GMDS: variants seen among roughly 807,000 people sequenced by gnomAD.
GMDS encodes the protein GDP-mannose 4,6 dehydratase.
A neutral mutation model predicts 49.9 loss-of-function variants in GMDS; 20 were observed. That is an observed-to-expected ratio of 0.40 (90% CI 0.28 to 0.58). The LOEUF is 0.58. GMDS is among the 20% of genes least tolerant of loss of function. The probability of loss-of-function intolerance (pLI) is 0.42; values close to 1 mark genes in which losing one functional copy is unlikely to be tolerated. For missense variants in GMDS, 362 were observed against 481.4 expected, an observed-to-expected ratio of 0.75 and a Z score of 2.32; for synonymous variants, 177 against 178.6, an observed-to-expected ratio of 0.99 and a Z score of 0.07.
chr6:2,196,549 C>T (rs1369744473), intron 1 of GMDS, among the ~76,000 whole-genome samples: 1 of 152,108 alleles, frequency 6.6e-6, no homozygotes, highest in Non-Finnish European at 1.5e-5. Flanking sequence ...AACATAGAAT[C>T]CAAAACAAAT....
chr6:2,007,966 T>C (rs1767304709), intron 4 of GMDS, among the ~76,000 whole-genome samples: 1 of 152,190 alleles, frequency 6.6e-6, no homozygotes, highest in Non-Finnish European at 1.5e-5. Flanking sequence ...AAACTAAATA[T>C]CAAAACTTAA....
At chr6:1,702,845 G>A (rs4959148) in intron 9 of GMDS, among the ~76,000 whole-genome samples, 128,952 of 152,208 alleles carry the variant, frequency 0.85, 54,807 homozygotes, top group East Asian at 1. Flanking sequence ...TCGCTTCTCT[G>A]TGAAAGATAA....
chr6:1,684,624 T>C (rs1235382193), intron 9 of GMDS, among the ~76,000 whole-genome samples: 9 of 152,108 alleles, frequency 5.9e-5, no homozygotes, highest in Non-Finnish European at 7.4e-5. Flanking sequence ...TTACACAACA[T>C]TCTAAACTTA....
At chr6:2,175,619 A>G (rs1359709389) in intron 1 of GMDS, among the ~76,000 whole-genome samples, 1 of 152,200 alleles carries the variant, frequency 6.6e-6, no homozygotes, top group Non-Finnish European at 1.5e-5. Flanking sequence ...CTTTCCAGTC[A>G]TGCTCACACT....
At chr6:2,054,492 T>C (rs778082926) in intron 4 of GMDS, among the ~76,000 whole-genome samples, 1 of 152,132 alleles carries the variant, frequency 6.6e-6, no homozygotes. Flanking sequence ...AGAAAACCCA[T>C]TGTCTTACTG....
chr6:2,026,755 T>C (rs1427164775), intron 4 of GMDS, among the ~76,000 whole-genome samples: 1 of 152,182 alleles, frequency 6.6e-6, no homozygotes, highest in South Asian at 2.1e-4. Flanking sequence ...TGTCTGTGGA[T>C]GAGGCAGCCA....
intron 9 of GMDS, among the ~76,000 whole-genome samples, chr6:1,663,436 T>A (rs1332049892): frequency 6.6e-6 from 1 of 152,190 alleles, no homozygotes; most frequent in African/African-American, 2.4e-5. Context: ...ATTTTAGCTA[T>A]CATCTCTCCT....
intron 1 of GMDS, among the ~76,000 whole-genome samples, chr6:2,167,447 A>G (rs879750425): frequency 1.3e-5 from 2 of 152,082 alleles, no homozygotes; most frequent in Non-Finnish European, 2.9e-5. Flanking sequence ...TCTCCAATTC[A>G]TTGTCTACCA....
chr6:1,815,098 G>A (rs779542902), intron 7 of GMDS, among the ~76,000 whole-genome samples: 2 of 152,134 alleles, frequency 1.3e-5, no homozygotes, highest in Non-Finnish European at 1.5e-5. Context: ...AATCTCCCAC[G>A]TACATAGTAC....
chr6:2,071,229 G>A (rs748767089), intron 4 of GMDS, among the ~76,000 whole-genome samples: 25 of 152,106 alleles, frequency 1.6e-4, no homozygotes, highest in Non-Finnish European at 3.7e-4. Flanking sequence ...AATTACCTAC[G>A]AAACCCAAAT....
intron 9 of GMDS, among the ~76,000 whole-genome samples, chr6:1,682,097 G>GT: frequency 6.6e-6 from 1 of 152,000 alleles, no homozygotes; most frequent in South Asian, 2.1e-4. Flanking sequence ...TCAGTATTGC[G>GT]TATGTCTAGG....
intron 4 of GMDS, among the ~76,000 whole-genome samples, chr6:2,012,782 G>T (rs1398766638): frequency 6.6e-6 from 1 of 152,072 alleles, no homozygotes; most frequent in Admixed American, 6.6e-5. Flanking sequence ...AAAAGTCCCA[G>T]GAGCCCCAAC....
intron 9 of GMDS, among the ~76,000 whole-genome samples, chr6:1,630,833 T>C (rs1447160493): frequency 6.6e-6 from 1 of 152,134 alleles, no homozygotes; most frequent in Non-Finnish European, 1.5e-5. Flanking sequence ...ACTAGAGCCC[T>C]CTTGGTTCCG....
chr6:1,627,397 C>T (rs9392312), intron 9 of GMDS, among the ~76,000 whole-genome samples: 22,963 of 152,124 alleles, frequency 0.15, 2,219 homozygotes, highest in East Asian at 0.42. Context: ...AAGGCTTCCT[C>T]TGGGCTGAGA....
At chr6:1,719,185 G>A (rs576354115) in intron 9 of GMDS, among the ~76,000 whole-genome samples, 22 of 152,304 alleles carry the variant, frequency 1.4e-4, no homozygotes, top group Admixed American at 7.2e-4. Context: ...ACGGAAGCCC[G>A]TCAGTGGTGG....
chr6:1,801,267 T>G (rs1390355732), intron 7 of GMDS, among the ~76,000 whole-genome samples: 1 of 152,198 alleles, frequency 6.6e-6, no homozygotes, highest in Non-Finnish European at 1.5e-5. Flanking sequence ...AGTTTGTTCA[T>G]GAGTTTTCAA....
intron 1 of GMDS, among the ~76,000 whole-genome samples, chr6:2,226,344 T>G (rs1297250430): frequency 6.6e-6 from 1 of 152,158 alleles, no homozygotes; most frequent in African/African-American, 2.4e-5. Flanking sequence ...AGGAGACCTG[T>G]GAGATCATGA....
At chr6:1,795,111 G>A (rs1269516925) in intron 7 of GMDS, among the ~76,000 whole-genome samples, 1 of 152,100 alleles carries the variant, frequency 6.6e-6, no homozygotes, top group Non-Finnish European at 1.5e-5. Context: ...GAGGTGGGAG[G>A]ATCACTTGAG....
chr6:1,705,038 T>C (rs1462150710), intron 9 of GMDS, among the ~76,000 whole-genome samples: 1 of 152,206 alleles, frequency 6.6e-6, no homozygotes, highest in Non-Finnish European at 1.5e-5. Flanking sequence ...GATGGTAGGA[T>C]ACTAGTTCTA....
Sources: allele counts gnomAD v4.1 joint callset (sites outside exome capture counted in the v4.1 genomes callset), GRCh38; gene constraint gnomAD v4.1.1; transcripts MANE v1.5; gene names NCBI Gene and HGNC (gene_info 2026-07-23, HGNC 2026-07-21).